ELL: variants seen among roughly 807,000 people sequenced by gnomAD.
The protein encoded by ELL is RNA polymerase II elongation factor ELL.
A neutral mutation model predicts 64.0 loss-of-function variants in ELL; 18 were observed. The ratio of observed to expected loss-of-function variants is 0.28; its 90% CI spans 0.19 to 0.42. The LOEUF is 0.42. ELL is among the 10% of genes least tolerant of loss of function. The pLI, the probability that ELL is intolerant of heterozygous loss-of-function variation, is 1.00. For missense variants in ELL, 797 were observed against 870.4 expected (o/e 0.92, Z 1.06); for synonymous variants, 399 against 376.2 (o/e 1.06, Z -0.70).
At chr19:18,470,512 G>GGAAA (rs1365153061) in intron 2 of ELL, among the ~76,000 whole-genome samples, 17 of 152,384 alleles carry the variant, frequency 1.1e-4, no homozygotes, top group Non-Finnish European at 1.5e-5. Context: ...AATGTCCTGG[G>GGAAA]GAAGGTAAAA....
At chr19:18,455,644 A>C (rs1159692404) in intron 6 of ELL, among the ~76,000 whole-genome samples, 2 of 151,872 alleles carry the variant, frequency 1.3e-5, no homozygotes, top group African/African-American at 4.8e-5. Flanking sequence ...TCAGGAGTTC[A>C]AGACCAGTCT....
chr19:18,449,841 T>G lies in ELL; in HGVS notation c.1465+636A>C, dbSNP rs1437798704. ...CAGCTGCGCAGGCTCATGGCCACGGTGCTAGGCGGGTGCTACTGCTGCTCA... is the reference window on the plus strand; with the variant it reads ...CAGCTGCGCAGGCTCATGGCCACGGGGCTAGGCGGGTGCTACTGCTGCTCA... On this transcript the variant is annotated intron_variant, in intron 8 of 11. Transcript: ENST00000262809. The surrounding 1 kb of genome is among the most constrained non-coding windows in gnomAD (Gnocchi z 4.4). Among the ~76,000 whole-genome samples, 1 of 152,214 alleles carries G rather than the reference T, an allele frequency of 6.6e-6. No homozygotes were observed. The highest frequency in any genetic ancestry group is 1.5e-5 in the Non-Finnish European group (1 of 68,026).
intron 1 of ELL, among the ~76,000 whole-genome samples, chr19:18,477,817 C>CG (rs1212963495): frequency 1.3e-5 from 2 of 152,150 alleles, no homozygotes; most frequent in African/African-American, 4.8e-5. Context: ...GAGGATGACG[C>CG]GGGCACAGTG....
intron 1 of ELL, among the ~76,000 whole-genome samples, chr19:18,515,174 C>T (rs939587427): frequency 6.6e-6 from 1 of 152,266 alleles, no homozygotes; most frequent in African/African-American, 2.4e-5. Context: ...CCCTCACACA[C>T]ACTCTTGCCT....
intron 1 of ELL, among the ~76,000 whole-genome samples, chr19:18,514,743 G>A (rs1236680953): frequency 1.3e-5 from 2 of 152,130 alleles, no homozygotes; most frequent in Non-Finnish European, 2.9e-5. Context: ...AAAGCACAAC[G>A]GGGAGCAAGA....
At chr19:18,472,719 G>A in intron 2 of ELL, 116 bp downstream of exon 2, 1 of 1,286,068 alleles carries the variant, frequency 7.8e-7, no homozygotes. Context: ...CTTGCATGGT[G>A]GCAGACAGGG....
intron 8 of ELL, among the ~76,000 whole-genome samples, chr19:18,447,172 G>A (rs1327709442): frequency 6.6e-6 from 1 of 152,252 alleles, no homozygotes; most frequent in Non-Finnish European, 1.5e-5. Context: ...ACCGGTCAGA[G>A]CTTCCCCCAG....
intron 6 of ELL, 93 bp from the exon 7 acceptor site, chr19:18,451,741 C>T (rs1430254986): frequency 7.9e-6 from 8 of 1,008,476 alleles, no homozygotes; most frequent in African/African-American, 1.7e-5. Flanking sequence ...GGAGATGCCT[C>T]AAGGAAGGGA....
intron 1 of ELL, among the ~76,000 whole-genome samples, chr19:18,474,450 T>G (rs1040132103): frequency 3.9e-5 from 6 of 152,200 alleles, no homozygotes; most frequent in Admixed American, 3.9e-4. Context: ...AACAGAGGGA[T>G]GGTGCCCCTG....
At chr19:18,487,956 C>T (rs1975453843) in intron 1 of ELL, among the ~76,000 whole-genome samples, 1 of 152,214 alleles carries the variant, frequency 6.6e-6, no homozygotes, top group African/African-American at 2.4e-5. Context: ...CCAACCTACC[C>T]TGACAGGAGC....
intron 1 of ELL, among the ~76,000 whole-genome samples, chr19:18,518,150 T>TA (rs1481774536): frequency 6.8e-6 from 1 of 148,116 alleles, no homozygotes; most frequent in African/African-American, 2.5e-5. Flanking sequence ...ATAACACCAT[T>TA]ACACTCCAGC....
At chr19:18,489,154 A>G (rs1175958473) in intron 1 of ELL, among the ~76,000 whole-genome samples, 1 of 152,196 alleles carries the variant, frequency 6.6e-6, no homozygotes, top group Non-Finnish European at 1.5e-5. Flanking sequence ...TGGATTGGGT[A>G]TTTGCCTAGC....
chr19:18,450,379 C>T, intron 8 of ELL, 98 bp downstream of exon 8: 2 of 1,521,886 alleles, frequency 1.3e-6, no homozygotes, highest in Non-Finnish European at 1.8e-6. Context: ...CCTCCCCTGG[C>T]TTCTACAGCT....
Position 18,443,206 on chromosome 19 carries a change from C to G in ELL, c.*1546G>C, listed in dbSNP as rs977135232. ...TGCTCGGCCCTTCCCCGGCCCGGCC[C>G]GGCCCAAAGAGAAAAACAACAACAG... is the stretch of plus-strand genomic sequence containing the variant. On this transcript the variant is annotated 3_prime_UTR_variant, in exon 12 of 12. Transcript: ENST00000262809. 4.3e-6 allele frequency: 1 copy of G among 231,946 alleles called. No individual in the cohort carries two copies. The highest frequency in any genetic ancestry group is 8.5e-6 in the Non-Finnish European group (1 of 117,242). 14.4% of individuals were successfully genotyped at this position (231,946 alleles called of 1,614,324 possible).
At chr19:18,471,968 C>CA (rs1555734239) in intron 2 of ELL, among the ~76,000 whole-genome samples, 4 of 146,428 alleles carry the variant, frequency 2.7e-5, no homozygotes, top group Non-Finnish European at 6.1e-5. Flanking sequence ...TTTTCTTTTT[C>CA]TTTTTTTTTT....
chr19:18,497,263 A>T (rs1975674223), intron 1 of ELL, among the ~76,000 whole-genome samples: 1 of 152,244 alleles, frequency 6.6e-6, no homozygotes, highest in South Asian at 2.1e-4. Context: ...TAAATCAGCC[A>T]GTCTAGAAAG....
intron 1 of ELL, among the ~76,000 whole-genome samples, chr19:18,520,923 AG>A (rs545883740): frequency 5.2e-4 from 79 of 151,438 alleles, no homozygotes; most frequent in African/African-American, 1.7e-3. Flanking sequence ...AGACGGGGGG[AG>A]GGGGGGCCAT....
intron 1 of ELL, 44 bp downstream of exon 1, chr19:18,521,877 G>A: frequency 6.5e-7 from 1 of 1,537,354 alleles, no homozygotes; most frequent in South Asian, 1.2e-5. Flanking sequence ...GCCGGCCCGC[G>A]TCCGGACGTT....
chr19:18,504,719 A>G (rs1333282124), intron 1 of ELL, among the ~76,000 whole-genome samples: 1 of 152,180 alleles, frequency 6.6e-6, no homozygotes. Flanking sequence ...AAGGCCCGAG[A>G]GTGACACTGG....
Sources: allele counts gnomAD v4.1 joint callset (sites outside exome capture counted in the v4.1 genomes callset), GRCh38; gene constraint gnomAD v4.1.1; non-coding constraint Gnocchi (gnomAD v3.1); transcripts MANE v1.5; gene names NCBI Gene and HGNC (gene_info 2026-07-23, HGNC 2026-07-21).